CARM1: variants seen among roughly 807,000 people sequenced by gnomAD.
CARM1 encodes the protein histone-arginine methyltransferase CARM1.
Under a neutral mutation model 72.7 loss-of-function variants are expected in CARM1, and 14 were observed. The observed-to-expected ratio is 0.19, with a 90% CI of 0.13 to 0.30. CARM1 has a LOEUF of 0.30. Among genes scored for constraint, CARM1 ranks in the 10% least tolerant of loss-of-function variants. The probability of loss-of-function intolerance (pLI) is 1.00; values close to 1 mark genes in which losing one functional copy is unlikely to be tolerated. For synonymous variants in CARM1, 333 were observed against 345.5 expected, an observed-to-expected ratio of 0.96 and a Z score of 0.40; for missense variants, 432 against 833.7, an observed-to-expected ratio of 0.52 and a Z score of 5.93.
chr19:10,891,906 G>A (rs1185355008), intron 1 of CARM1, among the ~76,000 whole-genome samples: 3 of 152,206 alleles, frequency 2.0e-5, no homozygotes, highest in Non-Finnish European at 4.4e-5. Flanking sequence ...AATGGCAAAG[G>A]AGGGTGCGGA....
At chr19:10,883,734 T>G (rs1290271505) in intron 1 of CARM1, among the ~76,000 whole-genome samples, 1 of 152,166 alleles carries the variant, frequency 6.6e-6, no homozygotes, top group Non-Finnish European at 1.5e-5. Flanking sequence ...TTTAAAAAAA[T>G]TGGCTGGGAG....
intron 1 of CARM1, among the ~76,000 whole-genome samples, chr19:10,889,481 A>ATTTTTTTT (rs35291257): frequency 7.7e-6 from 1 of 129,450 alleles, no homozygotes. Context: ...TGCCCGGCTA[A>ATTTTTTTT]TTTTTTTTTT....
Position 10,908,157 on chromosome 19 carries a change from T to A in CARM1, c.453+12T>A, listed in dbSNP as rs748755489. The A allele has an allele frequency of 1.3e-5, 20 of 1,584,600 alleles. No individual in the cohort carries two copies. Among genetic ancestry groups the A allele is most frequent in the Non-Finnish European group, 1.7e-5 (20 of 1,154,002 alleles). ...TGCAGTACTTCCAGGTGGGTTGTAC[T>A]CCCCCTCAGCCAGGCCGCCTCCCCC... On this transcript the variant is annotated intron_variant, in intron 3 of 15. Transcript: ENST00000327064.
intron 1 of CARM1, among the ~76,000 whole-genome samples, chr19:10,881,089 C>T (rs1331315259): frequency 6.6e-6 from 1 of 152,120 alleles, no homozygotes; most frequent in Non-Finnish European, 1.5e-5. Context: ...TTGCTTGAGC[C>T]CAGAAGCTTG....
At chr19:10,904,317 G>T (rs919009353) in intron 1 of CARM1, among the ~76,000 whole-genome samples, 2 of 152,256 alleles carry the variant, frequency 1.3e-5, no homozygotes, top group Middle Eastern at 3.2e-3. Flanking sequence ...GGGCTGGCCC[G>T]TTCCTGGCAT....
intron 1 of CARM1, among the ~76,000 whole-genome samples, chr19:10,899,598 T>C (rs2074049152): frequency 6.6e-6 from 1 of 152,106 alleles, no homozygotes; most frequent in Non-Finnish European, 1.5e-5. Context: ...GGCACCTGGC[T>C]CCTGGGGTGG....
chr19:10,922,000 C>T lies in CARM1; in HGVS notation c.*243C>T, dbSNP rs1268778817. The T allele has an allele frequency of 1.4e-5, 6 of 425,486 alleles. No homozygotes were observed. The highest frequency in any genetic ancestry group is 6.2e-4 in the Middle Eastern group (1 of 1,608). The allele number at this position is 425,486 out of a possible 1,614,324, so 26.4% of individuals were successfully genotyped here. A position where few individuals can be genotyped will look rare whatever the true frequency, so the allele number is the denominator to read the frequency against. ...CACAAAATCATGTTGTGGGAGCCCT[C>T]GTCCCCCCTCCTGCCCGCTCTACCC... On this transcript the variant is annotated 3_prime_UTR_variant, in exon 16 of 16. Coordinates refer to ENST00000327064, the MANE Select transcript of CARM1 (RefSeq NM_199141.2).
In CARM1 at chr19:10,912,702, G is replaced by A. The variant is rs2074161815; in HGVS notation, c.669+408G>A. On this transcript the variant is annotated intron_variant, in intron 5 of 15. Coordinates refer to ENST00000327064, the MANE Select transcript of CARM1 (RefSeq NM_199141.2). This position sits in a 1 kb window ranked among gnomAD's most constrained non-coding sequence, Gnocchi z 4.5. ...GTGAGCGTCCTCTCGCACCAGTGGAGGCTGCACCCTCCATTCCCTGCTCTG... is the reference window on the plus strand; with the variant it reads ...GTGAGCGTCCTCTCGCACCAGTGGAAGCTGCACCCTCCATTCCCTGCTCTG... Among the ~76,000 whole-genome samples the A allele has an allele frequency of 6.6e-6, 1 of 152,066 alleles. No individual in the cohort carries two copies. The highest frequency in any genetic ancestry group is 1.5e-5 in the Non-Finnish European group (1 of 68,008).
At chr19:10,906,666 T>A (rs1042918558) in intron 2 of CARM1, among the ~76,000 whole-genome samples, 1 of 152,108 alleles carries the variant, frequency 6.6e-6, no homozygotes, top group Non-Finnish European at 1.5e-5. Context: ...GGTTTCACCA[T>A]GTTGGCCAGG....
At chr19:10,904,365 C>T (rs1305464375) in intron 1 of CARM1, among the ~76,000 whole-genome samples, 1 of 152,190 alleles carries the variant, frequency 6.6e-6, no homozygotes, top group Non-Finnish European at 1.5e-5. Context: ...GGAGTGGCTG[C>T]AGGTTTGTGG....
Position 10,920,917 on chromosome 19 carries a change from A to G in CARM1, c.1508A>G (p.Tyr503Cys), listed in dbSNP as rs751533060. 6.2e-7 allele frequency: 1 copy of G among 1,614,236 alleles called. No individual in the cohort carries two copies. The highest frequency in any genetic ancestry group is 8.5e-7 in the Non-Finnish European group (1 of 1,180,030). The change falls in exon 13 of 16, where the codon TAC becomes TGC. Residue 503 changes from tyrosine (Y) to cysteine (C), a missense_variant. Coordinates refer to ENST00000327064, the MANE Select transcript of CARM1 (RefSeq NM_199141.2). The surrounding 1 kb of genome is among the most constrained non-coding windows in gnomAD (Gnocchi z 5.3). ...AACATGTGGAACACGGGCAGCACCT[A>G]CAACCTCAGCAGCGGGATGGCCGTG... ...SENMWNTGST[Y>C]NLSSGMAVAG...
chr19:10,878,927 C>T (rs552579861), intron 1 of CARM1, among the ~76,000 whole-genome samples: 46 of 152,256 alleles, frequency 3.0e-4, no homozygotes, highest in Non-Finnish European at 5.1e-4. Context: ...CTGCCTCAGC[C>T]TCCCAAGTAT....
intron 3 of CARM1, 76 bp downstream of exon 3, chr19:10,908,221 A>G: frequency 3.2e-6 from 3 of 932,686 alleles, no homozygotes; most frequent in Non-Finnish European, 5.3e-6. Context: ...GAGGCCACAC[A>G]GCACAGGGAA....
At position 10,915,928 on chromosome 19, in the gene CARM1, T is replaced by A. The variant is rs2074192412; in HGVS notation, c.848-479T>A. ...CTAGGCAGTCCCTGTGGTGTGGATT[T>A]GGCTTCCCCCACCTGGCTCTTGGCC... On this transcript the variant is annotated intron_variant, in intron 6 of 15. Coordinates refer to ENST00000327064, the MANE Select transcript of CARM1 (RefSeq NM_199141.2). This position sits in a 1 kb window ranked among gnomAD's most constrained non-coding sequence, Gnocchi z 4.6. Among the ~76,000 whole-genome samples the A allele has an allele frequency of 6.6e-6, 1 of 152,202 alleles. No individual in the cohort carries two copies. The highest frequency in any genetic ancestry group is 1.5e-5 in the Non-Finnish European group (1 of 68,014).
chr19:10,904,410 C>T (rs1399828131), intron 1 of CARM1, among the ~76,000 whole-genome samples: 1 of 152,214 alleles, frequency 6.6e-6, no homozygotes, highest in African/African-American at 2.4e-5. Flanking sequence ...ATGATGGGTA[C>T]AGGGAGACAG....
intron 2 of CARM1, among the ~76,000 whole-genome samples, chr19:10,906,531 C>G (rs998745932): frequency 6.6e-6 from 1 of 152,036 alleles, no homozygotes; most frequent in African/African-American, 2.4e-5. Flanking sequence ...GGCGCGATCT[C>G]GGCTCACCGC....
chr19:10,871,970 G>T lies in CARM1; in HGVS notation c.220+48G>T. ...GGCGCAGGGCCGGGGCTGCTCACGA[G>T]GCCGGCCCGGGGCGGGGGCCGGCGG... On this transcript the variant is annotated intron_variant, in intron 1 of 15. Coordinates refer to ENST00000327064, the MANE Select transcript of CARM1 (RefSeq NM_199141.2). This position sits in a 1 kb window ranked among gnomAD's most constrained non-coding sequence, Gnocchi z 5.6. 4.3e-6 allele frequency: 5 copies of T among 1,164,108 alleles called. No homozygotes were observed. Among genetic ancestry groups the T allele is most frequent in the Non-Finnish European group, 5.3e-6 (5 of 943,430 alleles). The allele number at this position is 1,164,108 out of a possible 1,614,324, so 72.1% of individuals were successfully genotyped here.
intron 8 of CARM1, among the ~76,000 whole-genome samples, chr19:10,917,675 T>A (rs1010862020): frequency 2.6e-5 from 4 of 151,968 alleles, no homozygotes; most frequent in Non-Finnish European, 4.4e-5. Context: ...TGTTATACTC[T>A]TTTCTGTCTT....
At chr19:10,904,707 C>T (rs1001689890) in intron 1 of CARM1, among the ~76,000 whole-genome samples, 1 of 152,228 alleles carries the variant, frequency 6.6e-6, no homozygotes. Flanking sequence ...TCACCATGCC[C>T]GTCTCAGCCC....
Sources: gnomAD v4.1 joint callset for allele counts (sites outside exome capture counted in the v4.1 genomes callset) on GRCh38, gnomAD v4.1.1 for gene constraint, Gnocchi (gnomAD v3.1) non-coding constraint, MANE v1.5 for transcripts, NCBI Gene and HGNC (gene_info 2026-07-23, HGNC 2026-07-21) for gene names.